Variants in ATN1 observed in about 807,000 individuals in gnomAD.
The protein encoded by ATN1 is atrophin-1.
ATN1 carries 19 observed loss-of-function variants against 85.8 expected under a neutral mutation model. The observed-to-expected ratio is 0.22, with a 90% CI of 0.15 to 0.32. The LOEUF is 0.32. ATN1 is among the 10% of genes least tolerant of loss of function. The probability of loss-of-function intolerance (pLI) is 1.00; values close to 1 mark genes in which losing one functional copy is unlikely to be tolerated. For missense variants in ATN1, 1,453 were observed against 1,564.5 expected, an observed-to-expected ratio of 0.93 and a Z score of 1.20; for synonymous variants, 674 against 657.0, an observed-to-expected ratio of 1.03 and a Z score of -0.39.
rs953466834 is a variant in ATN1 at position 6,934,680 on chromosome 12, A to G, written c.279+102A>G. ...AGCTGGATCTCTCCTGGGACATAAGAGAAAGGCCAGATCATAGTGCTTATG... is the reference window on the plus strand; with the variant it reads ...AGCTGGATCTCTCCTGGGACATAAGGGAAAGGCCAGATCATAGTGCTTATG... On this transcript the variant is annotated intron_variant, in intron 4 of 9. Transcript: ENST00000396684. The surrounding 1 kb of genome is among the most constrained non-coding windows in gnomAD (Gnocchi z 4.5). 1.2e-6 allele frequency: 1 copy of G among 843,332 alleles called. No individual in the cohort carries two copies. Among genetic ancestry groups the G allele is most frequent in the Non-Finnish European group, 1.9e-6 (1 of 517,760 alleles). The allele number at this position is 843,332 out of a possible 1,614,324, so 52.2% of individuals were successfully genotyped here. A position where few individuals can be genotyped will look rare whatever the true frequency, so the allele number is the denominator to read the frequency against.
Position 6,935,902 on chromosome 12 carries a change from C to A in ATN1, c.635C>A (p.Ala212Asp), listed in dbSNP as rs782295854. 1.2e-6 allele frequency: 2 copies of A among 1,610,750 alleles called. No individual in the cohort carries two copies. Among genetic ancestry groups the A allele is most frequent in the Non-Finnish European group, 1.7e-6 (2 of 1,178,154 alleles). ...TSRMFQAPPG[A>D]PPPHPQLYPG... The stretch of plus-strand genomic sequence containing the variant: ...CGAATGTTCCAGGCTCCTCCTGGGG[C>A]CCCTCCCCCTCACCCACAGCTCTAT... Residue 212 changes from alanine (A) to aspartate (D), a missense_variant, in exon 5 of 10, where the codon GCC (alanine) becomes GAC (aspartate). By Grantham distance (126) the Ala-to-Asp change is moderately radical. Around this residue, in one of 6 missense-constraint regions of ATN1, gnomAD observed 990 missense variants for 914.8 expected, o/e 1.08. Transcript: ENST00000396684. This position sits in a 1 kb window ranked among gnomAD's most constrained non-coding sequence, Gnocchi z 5.3.
At position 6,934,569 on chromosome 12, in the gene ATN1, C is replaced by T. The variant is rs1565565055; in HGVS notation, c.270C>T (p.Thr90=). Residue 90 remains threonine, a synonymous_variant, in exon 4 of 10, where the codon ACC becomes ACT. Transcript: ENST00000396684. This position sits in a 1 kb window ranked among gnomAD's most constrained non-coding sequence, Gnocchi z 4.5. The stretch of plus-strand genomic sequence containing the variant: ...AGGAGACCAATGCACCAAAAAAGAC[C>T]AAAACTGAGGTGGGAAACCCTTGTC... ...ESEETNAPKK[T]KTEQELPRPQ... 6.4e-7 allele frequency: 1 copy of T among 1,559,162 alleles called. No homozygotes were observed. Among genetic ancestry groups the T allele is most frequent in the Middle Eastern group, 1.7e-4 (1 of 5,998 alleles).
In ATN1 at chr12:6,935,870, C is replaced by A. The variant is rs371645176; in HGVS notation, c.603C>A (p.Pro201=). ...GATATCATGCTCCCATGGAGCCCCC[C>A]ACATCTCGAATGTTCCAGGCTCCTC... ...PTGYHAPMEP[P]TSRMFQAPPG... is the part of the protein sequence containing the mutation. The change falls in exon 5 of 10, where the codon CCC becomes CCA. Residue 201 remains proline (P), a synonymous_variant. Transcript: ENST00000396684. This position sits in a 1 kb window ranked among gnomAD's most constrained non-coding sequence, Gnocchi z 5.3. 1.2e-4 allele frequency: 186 copies of A among 1,613,714 alleles called. 1 individual carries two copies. The South Asian group carries it at 1.9e-3, about 16-fold the overall frequency.
At position 6,936,460 on chromosome 12, in the gene ATN1, CCTTCCCAG is replaced by C; in HGVS notation, c.1202_1209del (p.Ala401GlyfsTer120). 1 of 1,605,186 alleles carries C rather than the reference CCTTCCCAG, an allele frequency of 6.2e-7. No homozygotes were observed. The highest frequency in any genetic ancestry group is 8.5e-7 in the Non-Finnish European group (1 of 1,177,226). ...TCTTCCTCCTCTTCCTCTGCCTCCC[CCTTCCCAG>C]CTTCCCAGGCATTGCCCAGCTACCC... On this transcript the variant is annotated frameshift_variant, in exon 5 of 10. Transcript: ENST00000396684. LOFTEE classifies it high-confidence loss of function.
rs782615018 is a variant in ATN1, at chr12:6,934,080, G to T, written c.27+52G>T. The T allele has an allele frequency of 1.9e-6, 3 of 1,612,146 alleles. No individual in the cohort carries two copies. Among genetic ancestry groups the T allele is most frequent in the East Asian group, 4.5e-5 (2 of 44,858 alleles). The stretch of plus-strand genomic sequence containing the variant: ...ATGAGGGGCGGGGCAGGCAAGCTAG[G>T]AGGAAGGGTCTAGAGAAGAAGAACA... On this transcript the variant is annotated intron_variant, in intron 2 of 9. Transcript: ENST00000396684. The surrounding 1 kb of genome is among the most constrained non-coding windows in gnomAD (Gnocchi z 4.5).
At chr12:6,931,004 C>T (rs1305748775) in intron 1 of ATN1, among the ~76,000 whole-genome samples, 4 of 152,118 alleles carry the variant, frequency 2.6e-5, no homozygotes, top group African/African-American at 9.7e-5. Context: ...GTCTGCCACT[C>T]CTTATCCCCA....
chr12:6,927,240 TTC>T (rs1555142660), upstream of ATN1, among the ~76,000 whole-genome samples: 2 of 151,726 alleles, frequency 1.3e-5, no homozygotes, highest in Non-Finnish European at 2.9e-5. Context: ...TTTTCAATTT[TTC>T]TCTCTCCTTA....
At chr12:6,926,487 T>TG, upstream of ATN1, among the ~76,000 whole-genome samples, 1 of 151,920 alleles carries the variant, frequency 6.6e-6, no homozygotes, top group African/African-American at 2.4e-5. Context: ...TTTTCTTTTT[T>TG]TTTTTGAGAC....
chr12:6,929,354 C>G (rs930083536), intron 1 of ATN1, among the ~76,000 whole-genome samples: 1 of 152,148 alleles, frequency 6.6e-6, no homozygotes, highest in African/African-American at 2.4e-5. Context: ...AAAGATCTCC[C>G]TTTGTGCATG....
intron 1 of ATN1, among the ~76,000 whole-genome samples, chr12:6,932,018 G>C (rs782429172): frequency 1.0e-5 from 1 of 98,116 alleles, no homozygotes; most frequent in East Asian, 3.3e-4. Flanking sequence ...TGGGCAACAA[G>C]AGTGAAACTC....
rs1428995651 is a variant in ATN1, at chr12:6,935,903, C to T, written c.636C>T (p.Ala212=). The change falls in exon 5 of 10, where the codon GCC becomes GCT. Residue 212 remains alanine (A), a synonymous_variant. Transcript: ENST00000396684. This position sits in a 1 kb window ranked among gnomAD's most constrained non-coding sequence, Gnocchi z 5.3. ...TSRMFQAPPG[A]PPPHPQLYPG... ...GAATGTTCCAGGCTCCTCCTGGGGCCCCTCCCCCTCACCCACAGCTCTATC... is the reference window on the plus strand; with the variant it reads ...GAATGTTCCAGGCTCCTCCTGGGGCTCCTCCCCCTCACCCACAGCTCTATC... 2 of 1,610,864 alleles carry T rather than the reference C, an allele frequency of 1.2e-6. No individual in the cohort carries two copies. The highest frequency in any genetic ancestry group is 1.7e-6 in the Non-Finnish European group (2 of 1,178,204).
intron 1 of ATN1, among the ~76,000 whole-genome samples, chr12:6,930,871 CCAGATA>C (rs1294963214): frequency 1.3e-5 from 2 of 152,034 alleles, no homozygotes; most frequent in African/African-American, 2.4e-5. Flanking sequence ...TAGTATGTGG[CCAGATA>C]CAGAGTAGGT....
At position 6,936,166 on chromosome 12, in the gene ATN1, A is replaced by G. The variant is rs782054381; in HGVS notation, c.899A>G (p.Asn300Ser). The stretch of plus-strand genomic sequence containing the variant: ...GCCAACTTCCCCCATGTGACACCGA[A>G]CCTGCCTCCCCCACCTGCCCTGAGA... ...PPANFPHVTP[N>S]LPPPPALRPL... Residue 300 changes from asparagine (N) to serine (S), a missense_variant, in exon 5 of 10, where the codon AAC becomes AGC. By Grantham distance (46) the Asn-to-Ser change is conservative. This residue lies in a region of ATN1 where 990 missense variants were observed against 914.8 expected (regional missense o/e 1.08). Transcript: ENST00000396684. 6.5e-7 allele frequency: 1 copy of G among 1,541,028 alleles called. No homozygotes were observed. Among genetic ancestry groups the G allele is most frequent in the Non-Finnish European group, 8.7e-7 (1 of 1,143,864 alleles).
At chr12:6,938,375 G>T in intron 6 of ATN1, 106 bp from the exon 7 acceptor site, 1 of 1,430,460 alleles carries the variant, frequency 7.0e-7, no homozygotes. Context: ...GTTTCAATGA[G>T]TTGAGGCATT....
intron 1 of ATN1, among the ~76,000 whole-genome samples, chr12:6,933,019 C>T (rs1945485184): frequency 6.6e-6 from 1 of 152,152 alleles, no homozygotes; most frequent in Non-Finnish European, 1.5e-5. Context: ...TTGATTCTGG[C>T]TCTGTCACTG....
At chr12:6,925,931 C>T (rs191160850), upstream of ATN1, among the ~76,000 whole-genome samples, 278 of 152,366 alleles carry the variant, frequency 1.8e-3, 5 homozygotes, top group Non-Finnish European at 5.9e-4. Flanking sequence ...CCAGCTCTTC[C>T]GGCTTGCCAG....
chr12:6,935,401 G>A lies in ATN1; in HGVS notation c.280-146G>A. 2.3e-6 allele frequency: 2 copies of A among 866,568 alleles called. No individual in the cohort carries two copies. The highest frequency in any genetic ancestry group is 3.4e-6 in the Non-Finnish European group (2 of 585,116). The allele number at this position is 866,568 out of a possible 1,614,324, so 53.7% of individuals were successfully genotyped here. The stretch of plus-strand genomic sequence containing the variant: ...TGAGGAAAGTGAGAAATCCCCAGAT[G>A]GTAAGAGGTGGGCTTGAGCAAGAGT... On this transcript the variant is annotated intron_variant, in intron 4 of 9. Coordinates refer to ENST00000396684, the MANE Select transcript of ATN1 (RefSeq NM_001940.4). This position sits in a 1 kb window ranked among gnomAD's most constrained non-coding sequence, Gnocchi z 5.3.
In ATN1 at chr12:6,934,686, G is replaced by A. The variant is rs1945508829; in HGVS notation, c.279+108G>A. On this transcript the variant is annotated intron_variant, in intron 4 of 9. Transcript: ENST00000396684. This position sits in a 1 kb window ranked among gnomAD's most constrained non-coding sequence, Gnocchi z 4.5. Reference sequence around the variant, plus strand: ...ATCTCTCCTGGGACATAAGAGAAAGGCCAGATCATAGTGCTTATGAGAGCA... The same window carrying A: ...ATCTCTCCTGGGACATAAGAGAAAGACCAGATCATAGTGCTTATGAGAGCA... The A allele has an allele frequency of 1.2e-6, 1 of 824,546 alleles. No individual in the cohort carries two copies. Among genetic ancestry groups the A allele is most frequent in the Non-Finnish European group, 2.0e-6 (1 of 503,968 alleles). The allele number at this position is 824,546 out of a possible 1,614,324, so 51.1% of individuals were successfully genotyped here.
In ATN1 at chr12:6,941,082, T is replaced by G; in HGVS notation, c.3358+59T>G. On this transcript the variant is annotated intron_variant, in intron 8 of 9. Coordinates refer to ENST00000396684, the MANE Select transcript of ATN1 (RefSeq NM_001940.4). The surrounding 1 kb of genome is among the most constrained non-coding windows in gnomAD (Gnocchi z 5.9). ...GAGAAAAGGGCAGAAAGGAGGTATT[T>G]GGGTGGGGGGATGGGCCTAGTTGGG... 2.4e-5 allele frequency: 36 copies of G among 1,521,924 alleles called. No individual in the cohort carries two copies. Among genetic ancestry groups the G allele is most frequent in the Middle Eastern group, 1.7e-4 (1 of 5,846 alleles). The allele number at this position is 1,521,924 out of a possible 1,614,324, so 94.3% of individuals were successfully genotyped here.
Sources: allele counts gnomAD v4.1 joint callset (sites outside exome capture counted in the v4.1 genomes callset), GRCh38; gene constraint gnomAD v4.1.1; regional missense constraint gnomAD v4.1.1; non-coding constraint Gnocchi (gnomAD v3.1); transcripts MANE v1.5; gene names NCBI Gene and HGNC (gene_info 2026-07-23, HGNC 2026-07-21).